MAGOHB: variants seen among roughly 807,000 people sequenced by gnomAD.
MAGOHB encodes the protein mago homolog B, exon junction complex subunit.
Under a neutral mutation model 20.9 loss-of-function variants are expected in MAGOHB, and 15 were observed. That is an observed-to-expected ratio of 0.72 (90% CI 0.48 to 1.11). MAGOHB has a LOEUF of 1.11. Ranked by LOEUF, MAGOHB falls within the 50% of genes least tolerant of loss-of-function variation. The pLI is 0.00. For missense variants in MAGOHB, 162 were observed against 177.6 expected (o/e 0.91, Z 0.50); for synonymous variants, 50 against 57.9 (o/e 0.86, Z 0.62).
Position 10,607,893 on chromosome 12 carries a change from G to A in MAGOHB, c.308C>T (p.Thr103Ile). 6.3e-7 allele frequency: 1 copy of A among 1,592,650 alleles called. No individual in the cohort carries two copies. The highest frequency in any genetic ancestry group is 8.6e-7 in the Non-Finnish European group (1 of 1,169,252). ...VIGDEHISFT[T>I]SKIGSLIDVN... is the part of the protein sequence containing the mutation. ...ATCAATAAGAGAACCTATTTTTGAT[G>A]TGGTAAAAGATATGTGCTCATCTCC... The change falls in exon 4 of 5, where the codon ACA (threonine) becomes ATA (isoleucine). Residue 103 changes from threonine (T) to isoleucine (I), a missense_variant. Thr to Ile is a moderately conservative substitution (Grantham distance 89). Coordinates refer to ENST00000320756, the MANE Select transcript of MAGOHB (RefSeq NM_018048.5).
chr12:10,610,737 C>A, intron 1 of MAGOHB, 57 bp from the exon 2 acceptor site: 2 of 1,482,994 alleles, frequency 1.3e-6, no homozygotes, highest in Non-Finnish European at 9.1e-7. Flanking sequence ...AAAAAATTAA[C>A]ATCATATACA....
At chr12:10,612,130 C>T (rs1377613457) in intron 1 of MAGOHB, among the ~76,000 whole-genome samples, 1 of 151,820 alleles carries the variant, frequency 6.6e-6, no homozygotes, top group African/African-American at 2.4e-5. Flanking sequence ...CTGGTGGATC[C>T]CTTGACCTCA....
At chr12:10,612,893 A>T (rs1335690839) in intron 1 of MAGOHB, 3 of 1,289,094 alleles carry the variant, frequency 2.3e-6, no homozygotes, top group Non-Finnish European at 3.0e-6. Context: ...GACTCATCTC[A>T]AGAGTGCCGT....
At chr12:10,612,557 G>A (rs1865767808) in intron 1 of MAGOHB, 2 of 521,788 alleles carry the variant, frequency 3.8e-6, no homozygotes, top group Non-Finnish European at 5.2e-6. Flanking sequence ...GACTTAATAT[G>A]CATACTGCTT....
At chr12:10,612,448 G>A (rs1220883815) in intron 1 of MAGOHB, among the ~76,000 whole-genome samples, 4 of 151,766 alleles carry the variant, frequency 2.6e-5, no homozygotes, top group African/African-American at 9.7e-5. Context: ...CGTGAGTTCT[G>A]CCTGAAATGC....
At chr12:10,613,012 CAT>C (rs1865776619) in intron 1 of MAGOHB, 1 of 1,140,146 alleles carries the variant, frequency 8.8e-7, no homozygotes, top group Non-Finnish European at 1.2e-6. Flanking sequence ...ACACCTAAAA[CAT>C]ATTATTATTC....
downstream of MAGOHB, chr12:10,599,737 GGAAA>G (rs1181296363): frequency 3.9e-5 from 6 of 152,120 alleles, no homozygotes; most frequent in African/African-American, 1.4e-4. Context: ...TGACGGGAAA[GGAAA>G]GATAGTCAAA....
In MAGOHB at chr12:10,613,578, C is replaced by T. The variant is rs909095364; in HGVS notation, c.-46G>A. 2.2e-6 allele frequency: 3 copies of T among 1,344,104 alleles called. No homozygotes were observed. Among genetic ancestry groups the T allele is most frequent in the Middle Eastern group, 3.6e-4 (2 of 5,566 alleles). The allele number at this position is 1,344,104 out of a possible 1,614,324, so 83.3% of individuals were successfully genotyped here. A position where few individuals can be genotyped will look rare whatever the true frequency, so the allele number is the denominator to read the frequency against. ...CCGAAAACGCAGCCAACGTGTCCCC[C>T]GGCGCCTTGCAGTGACGTCATCGCG... On this transcript the variant is annotated 5_prime_UTR_variant, in exon 1 of 5. Transcript: ENST00000320756.
chr12:10,607,703 T>G, intron 4 of MAGOHB, 151 bp downstream of exon 4: 1 of 580,806 alleles, frequency 1.7e-6, no homozygotes, highest in Non-Finnish European at 3.0e-6. Context: ...GACAAGATAA[T>G]AAGCCTTTAA....
chr12:10,610,999 T>TTATA (rs1865724122), intron 1 of MAGOHB, among the ~76,000 whole-genome samples: 1 of 152,232 alleles, frequency 6.6e-6, no homozygotes, highest in African/African-American at 2.4e-5. Flanking sequence ...TTAAAGTTTG[T>TTATA]TATATGTCTG....
chr12:10,608,037 T>C (rs749309913), intron 3 of MAGOHB, 101 bp from the exon 4 acceptor site: 22 of 656,522 alleles, frequency 3.4e-5, no homozygotes, highest in Non-Finnish European at 5.4e-5. Context: ...GCAAGTTTTC[T>C]AGCAGCCAAC....
intron 4 of MAGOHB, 125 bp from the exon 5 acceptor site, chr12:10,606,499 A>AT (rs1865632329): frequency 1.6e-6 from 1 of 618,910 alleles, no homozygotes. Context: ...GAAAGGAAGG[A>AT]TTTTGCTGAC....
chr12:10,605,553 A>G lies in MAGOHB; in HGVS notation c.*722T>C, dbSNP rs1003332317. On this transcript the variant is annotated 3_prime_UTR_variant, in exon 5 of 5. Coordinates refer to ENST00000320756, the MANE Select transcript of MAGOHB (RefSeq NM_018048.5). ...ATAGGAGTTAAAAATATTTATGTAC[A>G]TTCATACATACATATATGTTTGTCT... 6.6e-6 allele frequency: 1 copy of G among 152,224 alleles called. No homozygotes were observed. The highest frequency in any genetic ancestry group is 1.5e-5 in the Non-Finnish European group (1 of 68,030). 9.4% of individuals were successfully genotyped at this position (152,224 alleles called of 1,614,324 possible). A position where few individuals can be genotyped will look rare whatever the true frequency, so the allele number is the denominator to read the frequency against.
downstream of MAGOHB, among the ~76,000 whole-genome samples, chr12:10,600,093 A>C (rs183781611): frequency 6.6e-6 from 1 of 152,030 alleles, no homozygotes; most frequent in Non-Finnish European, 1.5e-5. Context: ...AAGTAAATGT[A>C]TTTTTTAAAT....
chr12:10,601,420 G>A (rs1453674957), downstream of MAGOHB, among the ~76,000 whole-genome samples: 1 of 152,150 alleles, frequency 6.6e-6, no homozygotes, highest in African/African-American at 2.4e-5. Context: ...ACAATGGACC[G>A]TGAATTCAGA....
intron 1 of MAGOHB, 28 bp downstream of exon 1, chr12:10,613,411 G>A: frequency 6.2e-7 from 1 of 1,604,444 alleles, no homozygotes; most frequent in Non-Finnish European, 8.5e-7. Context: ...CCCTTTCCCA[G>A]CACCGCGTGC....
intron 1 of MAGOHB, 45 bp from the exon 2 acceptor site, chr12:10,610,725 TAAA>T: frequency 2.6e-6 from 4 of 1,524,888 alleles, no homozygotes; most frequent in Non-Finnish European, 3.5e-6. Flanking sequence ...CAAAAACTGC[TAAA>T]AAAATTAACA....
rs1865785701 is a variant in MAGOHB, at chr12:10,613,337, T to C, written c.94+102A>G. On this transcript the variant is annotated intron_variant, in intron 1 of 4. Coordinates refer to ENST00000320756, the MANE Select transcript of MAGOHB (RefSeq NM_018048.5). ...CTCTATTCTTAAGCTCCTATTTCCT[T>C]CGAGGGAAGCAGTGGCCTCCGCCGC... 9.1e-6 allele frequency: 9 copies of C among 994,212 alleles called. No individual in the cohort carries two copies. In the South Asian group the frequency reaches 1.0e-4, roughly 11 times the overall value. The allele number at this position is 994,212 out of a possible 1,614,324, so 61.6% of individuals were successfully genotyped here. A position where few individuals can be genotyped will look rare whatever the true frequency, so the allele number is the denominator to read the frequency against.
chr12:10,605,594 T>C lies in MAGOHB; in HGVS notation c.*681A>G, dbSNP rs1027962742. 1.3e-5 allele frequency: 2 copies of C among 152,320 alleles called. No homozygotes were observed. The highest frequency in any genetic ancestry group is 2.4e-5 in the African/African-American group (1 of 41,564). The allele number at this position is 152,320 out of a possible 1,614,324, so 9.4% of individuals were successfully genotyped here. ...ATGTTTGTCTAAATGTTTAACAATT[T>C]ATAAAGCTGAAAACTCATTTAGTTC... On this transcript the variant is annotated 3_prime_UTR_variant, in exon 5 of 5. Coordinates refer to ENST00000320756, the MANE Select transcript of MAGOHB (RefSeq NM_018048.5).
Sources: allele counts gnomAD v4.1 joint callset (sites outside exome capture counted in the v4.1 genomes callset), GRCh38; gene constraint gnomAD v4.1.1; transcripts MANE v1.5; gene names NCBI Gene and HGNC (gene_info 2026-07-23, HGNC 2026-07-21).